THTPA: variants seen among roughly 807,000 people sequenced by gnomAD.
THTPA encodes thiamine triphosphatase.
A neutral mutation model predicts 16.5 loss-of-function variants in THTPA; 16 were observed. The observed-to-expected ratio is 0.97, with a 90% CI of 0.66 to 1.47. The LOEUF is 1.47. Among genes scored for constraint, THTPA ranks in the 40% most tolerant of loss-of-function variants. THTPA has a pLI of 0.00. For synonymous variants in THTPA, 110 were observed against 115.5 expected, an observed-to-expected ratio of 0.95 and a Z score of 0.30; for missense variants, 281 against 280.9, an observed-to-expected ratio of 1.00 and a Z score of 0.00.
At chr14:23,519,973 A>G in the THTPA span, among the ~76,000 whole-genome samples, 1 of 152,196 alleles carries the variant, frequency 6.6e-6, no homozygotes, top group Non-Finnish European at 1.5e-5. Flanking sequence ...CTGGAGGACG[A>G]GGAATTTTGC....
chr14:23,547,192 G>A, the THTPA span, among the ~76,000 whole-genome samples: 6 of 152,322 alleles, frequency 3.9e-5, no homozygotes, highest in African/African-American at 1.4e-4. Flanking sequence ...CCCTCACAGG[G>A]TTCTTTACAT....
At position 23,559,121 on chromosome 14, in the gene THTPA, G is replaced by T; in HGVS notation, c.*281G>T. 1 of 412,564 alleles carries T rather than the reference G, an allele frequency of 2.4e-6. No homozygotes were observed. The highest frequency in any genetic ancestry group is 4.4e-6 in the Non-Finnish European group (1 of 225,488). 25.6% of individuals were successfully genotyped at this position (412,564 alleles called of 1,614,324 possible). ...GTTTATAGGATTTCCACTTAGCCGTGATCAGTAGTTAAGCACAGGAAAATC... is the reference window on the plus strand; with the variant it reads ...GTTTATAGGATTTCCACTTAGCCGTTATCAGTAGTTAAGCACAGGAAAATC... On this transcript the variant is annotated 3_prime_UTR_variant, in exon 2 of 2. Coordinates refer to ENST00000288014, the MANE Select transcript of THTPA (RefSeq NM_024328.6).
rs1883456216 is a variant in THTPA, at chr14:23,560,115, A to C, written c.*1275A>C. Reference sequence around the variant, plus strand: ...GCCCCTCTATACTCAGTGGCTCCACACCCTTTTCCTGTAACTCCCCAAGTG... The same window carrying C: ...GCCCCTCTATACTCAGTGGCTCCACCCCCTTTTCCTGTAACTCCCCAAGTG... On this transcript the variant is annotated 3_prime_UTR_variant, in exon 2 of 2. Coordinates refer to ENST00000288014, the MANE Select transcript of THTPA (RefSeq NM_024328.6). 3 of 1,412,840 alleles carry C rather than the reference A, an allele frequency of 2.1e-6. No individual in the cohort carries two copies. In the African/African-American group the frequency reaches 4.3e-5, roughly 20 times the overall value. The allele number at this position is 1,412,840 out of a possible 1,614,324, so 87.5% of individuals were successfully genotyped here.
At position 23,559,456 on chromosome 14, in the gene THTPA, C is replaced by G. The variant is rs1160168498; in HGVS notation, c.*616C>G. ...CCAACAGCTGCCCCCTCCCCGCCCC[C>G]GTGTTGAGACAGGTTCTCAAGGCTC... On this transcript the variant is annotated 3_prime_UTR_variant, in exon 2 of 2. Coordinates refer to ENST00000288014, the MANE Select transcript of THTPA (RefSeq NM_024328.6). 2.6e-6 allele frequency: 1 copy of G among 388,336 alleles called. No individual in the cohort carries two copies. Among genetic ancestry groups the G allele is most frequent in the South Asian group, 2.4e-5 (1 of 41,278 alleles). The allele number at this position is 388,336 out of a possible 1,614,324, so 24.1% of individuals were successfully genotyped here. A position where few individuals can be genotyped will look rare whatever the true frequency, so the allele number is the denominator to read the frequency against.
the THTPA span, chr14:23,529,872 G>A: frequency 1.6e-6 from 2 of 1,216,144 alleles, no homozygotes; most frequent in Non-Finnish European, 2.3e-6. Flanking sequence ...GAAAGGGCAG[G>A]AAACTCAGTA....
upstream of THTPA, among the ~76,000 whole-genome samples, chr14:23,552,113 C>T (rs1366208268): frequency 6.6e-6 from 1 of 152,070 alleles, no homozygotes; most frequent in African/African-American, 2.4e-5. Flanking sequence ...ATTATTCCGC[C>T]TCCCCCATCT....
At chr14:23,514,793 C>A in the THTPA span, among the ~76,000 whole-genome samples, 37 of 152,214 alleles carry the variant, frequency 2.4e-4, no homozygotes, top group Admixed American at 1.5e-3. Flanking sequence ...ATAGTGGTGG[C>A]CAGGCATTGG....
the THTPA span, among the ~76,000 whole-genome samples, chr14:23,540,811 C>A: frequency 6.6e-6 from 1 of 152,202 alleles, no homozygotes; most frequent in Non-Finnish European, 1.5e-5. Flanking sequence ...GAGGGTAGTT[C>A]TTTTCCTTCT....
At chr14:23,527,115 T>C in the THTPA span, 2 of 1,286,450 alleles carry the variant, frequency 1.6e-6, no homozygotes, top group South Asian at 3.8e-5. Flanking sequence ...ACCTCCCACC[T>C]AATTGCTGCT....
chr14:23,513,750 C>A, the THTPA span: 1 of 152,642 alleles, frequency 6.6e-6, no homozygotes. Context: ...AGGCCGGTGC[C>A]CAGAACTGGG....
chr14:23,537,157 CA>C, the THTPA span, among the ~76,000 whole-genome samples: 3 of 151,234 alleles, frequency 2.0e-5, no homozygotes, highest in Non-Finnish European at 2.9e-5. Flanking sequence ...TCCGTCTCAC[CA>C]AAAAAACAGA....
the THTPA span, among the ~76,000 whole-genome samples, chr14:23,546,271 C>A: frequency 6.6e-6 from 1 of 152,172 alleles, no homozygotes; most frequent in Non-Finnish European, 1.5e-5. This position sits in a 1 kb window ranked among gnomAD's most constrained non-coding sequence, Gnocchi z 4.7. Flanking sequence ...AATTCCAAGG[C>A]CTGAACTTTA....
At chr14:23,525,534 G>A in the THTPA span, 2 of 1,535,544 alleles carry the variant, frequency 1.3e-6, no homozygotes, top group South Asian at 2.4e-5. The surrounding 1 kb of genome is among the most constrained non-coding windows in gnomAD (Gnocchi z 5.9). Context: ...GCCTCAGGTG[G>A]GGGTGGGGTA....
At chr14:23,517,661 A>G in the THTPA span, among the ~76,000 whole-genome samples, 1 of 152,190 alleles carries the variant, frequency 6.6e-6, no homozygotes, top group African/African-American at 2.4e-5. Flanking sequence ...TGATGTCCAG[A>G]ATAATTTACG....
At chr14:23,516,151 A>G in the THTPA span, among the ~76,000 whole-genome samples, 1 of 152,092 alleles carries the variant, frequency 6.6e-6, no homozygotes, top group African/African-American at 2.4e-5. Flanking sequence ...TCATTTCAGG[A>G]GTTTCTGGTT....
At chr14:23,549,761 C>G in the THTPA span, among the ~76,000 whole-genome samples, 2 of 152,234 alleles carry the variant, frequency 1.3e-5, no homozygotes, top group South Asian at 4.1e-4. Flanking sequence ...GGGTTATATG[C>G]CCCTGGAAGC....
At chr14:23,518,965 A>G in the THTPA span, among the ~76,000 whole-genome samples, 4 of 152,184 alleles carry the variant, frequency 2.6e-5, no homozygotes, top group South Asian at 8.3e-4. The surrounding 1 kb of genome is among the most constrained non-coding windows in gnomAD (Gnocchi z 4.5). Flanking sequence ...CACTGGGAAC[A>G]TGGAATGGTG....
the THTPA span, chr14:23,524,514 G>C: frequency 7.2e-6 from 11 of 1,526,808 alleles, no homozygotes; most frequent in East Asian, 2.7e-4. The surrounding 1 kb of genome is among the most constrained non-coding windows in gnomAD (Gnocchi z 5.6). Flanking sequence ...CCAAACACCA[G>C]CAAGGGCAGA....
In THTPA at chr14:23,557,095, T is replaced by C; in HGVS notation, c.338T>C (p.Leu113Pro). The change falls in exon 1 of 2, where the codon CTG (leucine) becomes CCG (proline). Residue 113 changes from leucine to proline, a missense_variant. Coordinates refer to ENST00000288014, the MANE Select transcript of THTPA (RefSeq NM_024328.6). ...GATGTGGCTGCTGTGCTGGGCCCAC[T>C]GGGGCTGCAGGAAGTAGCTAGTTTT... ...AGDVAAVLGP[L>P]GLQEVASFVT... 6.2e-7 allele frequency: 1 copy of C among 1,614,144 alleles called. No individual in the cohort carries two copies. The highest frequency in any genetic ancestry group is 8.5e-7 in the Non-Finnish European group (1 of 1,180,028).
Sources: allele counts gnomAD v4.1 joint callset (sites outside exome capture counted in the v4.1 genomes callset), GRCh38; gene constraint gnomAD v4.1.1; non-coding constraint Gnocchi (gnomAD v3.1); transcripts MANE v1.5; gene names NCBI Gene and HGNC (gene_info 2026-07-23, HGNC 2026-07-21).